Variants in GFOD1 observed in about 807,000 individuals in gnomAD.
GFOD1 encodes Gfo/Idh/MocA-like oxidoreductase domain containing 1, also known as glucose-fructose oxidoreductase domain-containing protein 1.
A neutral mutation model predicts 25.4 loss-of-function variants in GFOD1; 9 were observed. The ratio of observed to expected loss-of-function variants is 0.35; its 90% CI spans 0.21 to 0.62. GFOD1 has a LOEUF of 0.62. Among genes scored for constraint, GFOD1 ranks in the 20% least tolerant of loss-of-function variants. GFOD1 has a pLI of 0.72. For missense variants in GFOD1, 403 were observed against 556.9 expected, an observed-to-expected ratio of 0.72 and a Z score of 2.78; for synonymous variants, 253 against 245.6, an observed-to-expected ratio of 1.03 and a Z score of -0.28.
At chr6:13,464,861 CGTGTGTGTGT>C (rs36218477) in intron 1 of GFOD1, among the ~76,000 whole-genome samples, 5,716 of 146,810 alleles carry the variant, frequency 0.039, 215 homozygotes, top group African/African-American at 0.095. Context: ...TTCCTCTTTC[CGTGTGTGTGT>C]GTGTGTGTGT....
At chr6:13,418,177 C>T (rs1000163161) in intron 1 of GFOD1, among the ~76,000 whole-genome samples, 50 of 152,190 alleles carry the variant, frequency 3.3e-4, no homozygotes, top group Admixed American at 3.3e-3. Context: ...GCTAGCCATT[C>T]ACCTACTTAG....
At position 13,365,456 on chromosome 6, in the gene GFOD1, T is replaced by C; in HGVS notation, c.460A>G (p.Ser154Gly). Residue 154 changes from serine (S) to glycine (G), a missense_variant, in exon 2 of 2, where the codon AGC becomes GGC. By Grantham distance (56) the Ser-to-Gly change is moderately conservative. Coordinates refer to ENST00000379287, the MANE Select transcript of GFOD1 (RefSeq NM_018988.4). The surrounding 1 kb of genome is among the most constrained non-coding windows in gnomAD (Gnocchi z 9.2). ...CAGTTGTACTTCTTGCCCAGCAGGC[T>C]GCCGCCGTGCACCTGCACCTCACAC... ...LVCEVQVHGGSLLGKKYNWSC... is the reference protein window; with the variant it reads ...LVCEVQVHGGGLLGKKYNWSC... 1 of 1,613,780 alleles carries C rather than the reference T, an allele frequency of 6.2e-7. No individual in the cohort carries two copies. The highest frequency in any genetic ancestry group is 8.5e-7 in the Non-Finnish European group (1 of 1,180,004).
intron 1 of GFOD1, chr6:13,470,295 G>GA (rs1758471284): frequency 6.3e-7 from 1 of 1,586,064 alleles, no homozygotes; most frequent in Admixed American, 1.7e-5. Context: ...GCAGGCTGTG[G>GA]CTGGAGGCCC....
At chr6:13,472,013 T>TG (rs1484310883) in intron 1 of GFOD1, 3 of 160,340 alleles carry the variant, frequency 1.9e-5, no homozygotes, top group Middle Eastern at 2.8e-3. Flanking sequence ...CTCGGAATCA[T>TG]GGGGGGAGGT....
chr6:13,390,722 A>C (rs144481332), intron 1 of GFOD1, among the ~76,000 whole-genome samples: 17,395 of 81,310 alleles, frequency 0.21, 1,371 homozygotes, highest in East Asian at 0.41. Context: ...AGACCCTGTG[A>C]AAAAAAAAAA....
intron 1 of GFOD1, among the ~76,000 whole-genome samples, chr6:13,438,615 C>A (rs1757868685): frequency 6.6e-6 from 1 of 151,984 alleles, no homozygotes; most frequent in African/African-American, 2.4e-5. Flanking sequence ...TATAATGGAC[C>A]CAACATATAT....
At chr6:13,471,507 C>T (rs549787269) in intron 1 of GFOD1, among the ~76,000 whole-genome samples, 24 of 152,326 alleles carry the variant, frequency 1.6e-4, no homozygotes, top group African/African-American at 5.1e-4. Context: ...TATCTCATTG[C>T]TCAGTCCCTA....
At chr6:13,443,010 A>AT (rs1757941162) in intron 1 of GFOD1, among the ~76,000 whole-genome samples, 2 of 152,370 alleles carry the variant, frequency 1.3e-5, no homozygotes, top group African/African-American at 4.8e-5. Context: ...TCCCTATTCT[A>AT]GAAGCCATTA....
chr6:13,469,186 C>A, intron 1 of GFOD1: 1 of 957,224 alleles, frequency 1.0e-6, no homozygotes, highest in Non-Finnish European at 1.2e-6. Context: ...TGGTCACATC[C>A]CCTAAAGAAT....
At chr6:13,461,516 G>T (rs145117941) in intron 1 of GFOD1, among the ~76,000 whole-genome samples, 1 of 152,102 alleles carries the variant, frequency 6.6e-6, no homozygotes, top group African/African-American at 2.4e-5. Context: ...CCAAGCTGCC[G>T]GCCCCCGCTT....
chr6:13,465,678 C>A (rs987993330), intron 1 of GFOD1, among the ~76,000 whole-genome samples: 3 of 152,214 alleles, frequency 2.0e-5, no homozygotes, highest in East Asian at 3.9e-4. Flanking sequence ...CATAGTCAAG[C>A]CTGAGAACCA....
At chr6:13,396,044 G>A (rs1785722348) in intron 1 of GFOD1, among the ~76,000 whole-genome samples, 1 of 152,218 alleles carries the variant, frequency 6.6e-6, no homozygotes, top group South Asian at 2.1e-4. Flanking sequence ...AGAATTTGGA[G>A]GCCTGGGGAA....
At chr6:13,484,251 A>G (rs939366350) in intron 1 of GFOD1, among the ~76,000 whole-genome samples, 6 of 152,180 alleles carry the variant, frequency 3.9e-5, no homozygotes, top group African/African-American at 1.4e-4. Flanking sequence ...TCACTGGGCA[A>G]GCAATTCAAA....
chr6:13,437,247 T>C (rs1757848003), intron 1 of GFOD1, among the ~76,000 whole-genome samples: 2 of 152,302 alleles, frequency 1.3e-5, no homozygotes, highest in South Asian at 4.1e-4. Flanking sequence ...TCGAGTTCCC[T>C]TGATGACACA....
intron 1 of GFOD1, among the ~76,000 whole-genome samples, chr6:13,437,061 G>A (rs1245483338): frequency 6.6e-6 from 1 of 152,148 alleles, no homozygotes. Context: ...ACCACTTTCA[G>A]AGGGAAAGTG....
intron 1 of GFOD1, among the ~76,000 whole-genome samples, chr6:13,393,248 C>T (rs1461432122): frequency 1.3e-5 from 2 of 151,208 alleles, no homozygotes; most frequent in African/African-American, 4.9e-5. Context: ...CCCAGCTACT[C>T]AGGAGGCTGA....
chr6:13,372,622 G>A (rs1419480245), intron 1 of GFOD1, among the ~76,000 whole-genome samples: 1 of 152,204 alleles, frequency 6.6e-6, no homozygotes, highest in East Asian at 1.9e-4. Flanking sequence ...GAAAGATGGA[G>A]CTCTGTTGTC....
chr6:13,456,426 C>T lies in GFOD1; in HGVS notation c.253+30212G>A, dbSNP rs143826974. Reference sequence around the variant, plus strand: ...CTGAGTTCAAGTGATCCACCCGCCTCGACTTCCCAAAGTGCTGGGATTACA... The same window carrying T: ...CTGAGTTCAAGTGATCCACCCGCCTTGACTTCCCAAAGTGCTGGGATTACA... On this transcript the variant is annotated intron_variant, in intron 1 of 1. Coordinates refer to ENST00000379287, the MANE Select transcript of GFOD1 (RefSeq NM_018988.4). Among the ~76,000 whole-genome samples, 646 of 152,222 alleles carry T rather than the reference C, an allele frequency of 4.2e-3. 4 individuals are homozygous for T. The highest frequency in any genetic ancestry group is 0.015 in the African/African-American group (627 of 41,520).
At chr6:13,381,916 CACACA>C (rs1266441897) in intron 1 of GFOD1, among the ~76,000 whole-genome samples, 4 of 22,106 alleles carry the variant, frequency 1.8e-4, no homozygotes, top group Admixed American at 9.8e-4. Flanking sequence ...CGCGCGCGCG[CACACA>C]CACACACACA....
Sources: allele counts gnomAD v4.1 joint callset (sites outside exome capture counted in the v4.1 genomes callset), GRCh38; gene constraint gnomAD v4.1.1; non-coding constraint Gnocchi (gnomAD v3.1); transcripts MANE v1.5; gene names NCBI Gene and HGNC (gene_info 2026-07-23, HGNC 2026-07-21).